Variants in FAT3 observed in about 807,000 individuals in gnomAD.
FAT3 encodes protocadherin Fat 3.
Under a neutral mutation model 310.2 loss-of-function variants are expected in FAT3, and 95 were observed. The ratio of observed to expected loss-of-function variants is 0.31; its 90% CI spans 0.26 to 0.36. The LOEUF (loss-of-function observed/expected upper bound fraction) is 0.36, where lower values mean the gene tolerates loss of function less well. Ranked by LOEUF, FAT3 falls within the 10% of genes least tolerant of loss-of-function variation. The pLI is 1.00. For missense variants in FAT3, 5,408 were observed against 5,715.6 expected (o/e 0.95, Z 1.74); for synonymous variants, 2,314 against 2,192.9 (o/e 1.06, Z -1.54).
intron 3 of FAT3, among the ~76,000 whole-genome samples, chr11:92,528,727 T>A (rs1172191924): frequency 1.3e-5 from 2 of 152,142 alleles, no homozygotes; most frequent in African/African-American, 4.8e-5. Flanking sequence ...TCATTGGTCA[T>A]CCAGGCTGAA....
chr11:92,773,910 G>A, intron 6 of FAT3, 131 bp from the exon 7 acceptor site: 1 of 823,250 alleles, frequency 1.2e-6, no homozygotes, highest in South Asian at 1.9e-5. Context: ...CATTTAAGAT[G>A]TACAAAATTG....
rs1201649053 is a variant in FAT3, at chr11:92,511,568, TA to T, written c.3293-13065del. ...AAAAGCAAATCAAAATGTTTCTTACTAGTGGGGAGCTCACAGTAGGATGGTA... is the reference window on the plus strand; with the variant it reads ...AAAAGCAAATCAAAATGTTTCTTACTGTGGGGAGCTCACAGTAGGATGGTA... On this transcript the variant is annotated intron_variant, in intron 2 of 27. Transcript: ENST00000525166. Among the ~76,000 whole-genome samples the T allele has an allele frequency of 3.3e-5, 5 of 152,170 alleles. No homozygotes were observed. The East Asian group carries it at 9.6e-4, about 29-fold the overall frequency.
At chr11:92,613,913 C>G (rs1940685742) in intron 3 of FAT3, among the ~76,000 whole-genome samples, 1 of 152,100 alleles carries the variant, frequency 6.6e-6, no homozygotes, top group African/African-American at 2.4e-5. Context: ...TCCTTTAATC[C>G]CCCCAGACTT....
At chr11:92,424,447 T>C (rs749109865) in intron 2 of FAT3, among the ~76,000 whole-genome samples, 18 of 152,114 alleles carry the variant, frequency 1.2e-4, no homozygotes, top group Admixed American at 2.0e-4. Context: ...ACTTTATAAT[T>C]ACTCAACAAC....
rs574500824 is a variant in FAT3 at position 92,788,513 on chromosome 11, G to A, written c.4336-1430G>A. ...TAGAGAACTATTCCAGCTAATAAATGAGGAAGAAAATAATAGAATTAGAAC... is the reference window on the plus strand; with the variant it reads ...TAGAGAACTATTCCAGCTAATAAATAAGGAAGAAAATAATAGAATTAGAAC... On this transcript the variant is annotated intron_variant, in intron 7 of 27. Transcript: ENST00000525166. Among the ~76,000 whole-genome samples, 149 of 152,198 alleles carry A rather than the reference G, an allele frequency of 9.8e-4. 1 individual carries two copies. The highest frequency in any genetic ancestry group is 3.4e-3 in the African/African-American group (143 of 41,556).
chr11:92,580,483 C>T (rs1462100636), intron 3 of FAT3, among the ~76,000 whole-genome samples: 1 of 152,138 alleles, frequency 6.6e-6, no homozygotes, highest in Non-Finnish European at 1.5e-5. Flanking sequence ...CTGAGCCACA[C>T]CCATGTCAGC....
At chr11:92,249,520 A>G (rs1298422095) in intron 1 of FAT3, among the ~76,000 whole-genome samples, 1 of 152,006 alleles carries the variant, frequency 6.6e-6, no homozygotes, top group African/African-American at 2.4e-5. Context: ...TTACTTCATT[A>G]CATATTGATT....
At position 92,415,849 on chromosome 11, in the gene FAT3, CTTTTT is replaced by C. The variant is rs1196695394; in HGVS notation, c.3292+60465_3292+60469del. Among the ~76,000 whole-genome samples, 171 of 70,404 alleles carry C rather than the reference CTTTTT, an allele frequency of 2.4e-3. 2 individuals carry two copies. Among genetic ancestry groups the C allele is most frequent in the African/African-American group, 8.1e-3 (154 of 19,012 alleles). 46.2% of individuals were successfully genotyped at this position (70,404 alleles called of 152,430 possible). A position where few individuals can be genotyped will look rare whatever the true frequency, so the allele number is the denominator to read the frequency against. On this transcript the variant is annotated intron_variant, in intron 2 of 27. Transcript: ENST00000525166. ...CAATCTTTTAGCATAAGCATTTTTG[CTTTTT>C]TTTTTTTTTTTTTTTTTTTAAGAGA... is the stretch of plus-strand genomic sequence containing the variant.
intron 1 of FAT3, among the ~76,000 whole-genome samples, chr11:92,263,227 AT>A (rs911411658): frequency 1.1e-3 from 161 of 142,986 alleles, no homozygotes; most frequent in Non-Finnish European, 2.0e-3. Context: ...TCTGTCCATC[AT>A]TTTTTTTTTC....
intron 2 of FAT3, among the ~76,000 whole-genome samples, chr11:92,371,684 T>C (rs1033118846): frequency 6.6e-6 from 1 of 152,150 alleles, no homozygotes; most frequent in Non-Finnish European, 1.5e-5. Flanking sequence ...GCCACTGTGC[T>C]CCAGCTTGGA....
chr11:92,329,597 T>C (rs1231648104), intron 1 of FAT3, among the ~76,000 whole-genome samples: 1 of 151,164 alleles, frequency 6.6e-6, no homozygotes, highest in Admixed American at 6.6e-5. Flanking sequence ...GTGGAATATG[T>C]ACATCTTTTT....
intron 2 of FAT3, among the ~76,000 whole-genome samples, chr11:92,426,382 A>G (rs1591272884): frequency 6.6e-6 from 1 of 151,952 alleles, no homozygotes; most frequent in East Asian, 1.9e-4. Context: ...CTCTTAAATT[A>G]GACCCCATTT....
At chr11:92,797,619 A>T (rs1374496385) in intron 9 of FAT3, among the ~76,000 whole-genome samples, 1 of 152,162 alleles carries the variant, frequency 6.6e-6, no homozygotes, top group East Asian at 1.9e-4. Context: ...GAAGTTACTG[A>T]TCTGAAATTT....
intron 26 of FAT3, 62 bp downstream of exon 26, chr11:92,889,310 A>G (rs186820525): frequency 3.1e-6 from 2 of 655,734 alleles, no homozygotes; most frequent in Admixed American, 2.2e-5. Flanking sequence ...ACTTTGGACT[A>G]GGAGTGATTT....
At chr11:92,531,898 T>C (rs1266574800) in intron 3 of FAT3, among the ~76,000 whole-genome samples, 1 of 152,124 alleles carries the variant, frequency 6.6e-6, no homozygotes, top group African/African-American at 2.4e-5. Flanking sequence ...TGTTCAGCAG[T>C]ATCCCTGGCC....
intron 2 of FAT3, among the ~76,000 whole-genome samples, chr11:92,467,504 T>C (rs1951795590): frequency 6.6e-6 from 1 of 152,196 alleles, no homozygotes; most frequent in Non-Finnish European, 1.5e-5. Flanking sequence ...AAACCCGTGA[T>C]TAGCCCACTT....
rs1256575196 is a variant in FAT3, at chr11:92,609,285, T to C, written c.3607+84337T>C. ...AAGTCATTCCTTGATAACAGCAAAG[T>C]GCTTACAGAGGCTCAAAATGGAGGA... On this transcript the variant is annotated intron_variant, in intron 3 of 27. Transcript: ENST00000525166. 2.0e-5 allele frequency among the ~76,000 whole-genome samples: 3 copies of C among 152,138 alleles called. No individual in the cohort carries two copies. The East Asian group carries it at 5.8e-4, about 29-fold the overall frequency.
chr11:92,430,604 C>T (rs879886526), intron 2 of FAT3, among the ~76,000 whole-genome samples: 3 of 151,932 alleles, frequency 2.0e-5, no homozygotes, highest in Non-Finnish European at 4.4e-5. Flanking sequence ...TGGTGTGCTG[C>T]ACCCATTAAC....
At chr11:92,758,554 C>A (rs1229888384) in intron 4 of FAT3, among the ~76,000 whole-genome samples, 1 of 152,212 alleles carries the variant, frequency 6.6e-6, no homozygotes, top group Non-Finnish European at 1.5e-5. Context: ...ACAGTACAGG[C>A]TGATCAACAA....
Sources: allele counts gnomAD v4.1 joint callset (sites outside exome capture counted in the v4.1 genomes callset), GRCh38; gene constraint gnomAD v4.1.1; transcripts MANE v1.5; gene names NCBI Gene and HGNC (gene_info 2026-07-23, HGNC 2026-07-21).